Variants in ADIPOR2 observed in about 807,000 individuals in gnomAD.
The protein encoded by ADIPOR2 is adiponectin receptor protein 2.
In ADIPOR2, 18 loss-of-function variants were observed where a neutral mutation model predicts 40.9. That is an observed-to-expected ratio of 0.44 (90% CI 0.30 to 0.65). ADIPOR2 has a LOEUF of 0.65. ADIPOR2 is among the 30% of genes least tolerant of loss of function. The pLI is 0.09. For missense variants in ADIPOR2, 283 were observed against 479.2 expected (o/e 0.59, Z 3.82); for synonymous variants, 165 against 166.4 (o/e 0.99, Z 0.06).
intron 1 of ADIPOR2, among the ~76,000 whole-genome samples, chr12:1,695,503 T>TA (rs2094636703): frequency 1.4e-5 from 2 of 146,930 alleles, no homozygotes; most frequent in African/African-American, 4.9e-5. Flanking sequence ...AAAAATATAT[T>TA]AAAAAAAAAA....
Position 1,772,821 on chromosome 12 carries a change from GT to G in ADIPOR2, c.172-18del. On this transcript the variant is annotated intron_variant, in intron 2 of 7. Coordinates refer to ENST00000357103, the MANE Select transcript of ADIPOR2 (RefSeq NM_024551.3). ...TGGCTCCCAGTCTCTGTCCTTGACT[GT>G]TTCTGTGATTGCCTTGCAGAGCTCT... 6.3e-7 allele frequency: 1 copy of G among 1,596,582 alleles called. No individual in the cohort carries two copies. Among genetic ancestry groups the G allele is most frequent in the South Asian group, 1.1e-5 (1 of 87,016 alleles).
chr12:1,696,035 G>A, intron 1 of ADIPOR2: 1 of 158,220 alleles, frequency 6.3e-6, no homozygotes, highest in Non-Finnish European at 1.5e-5. Context: ...TTTTTGGTCT[G>A]TCCAGCCATT....
intron 1 of ADIPOR2, among the ~76,000 whole-genome samples, chr12:1,695,596 G>A (rs1202409630): frequency 1.3e-5 from 2 of 151,098 alleles, no homozygotes; most frequent in East Asian, 3.9e-4. Flanking sequence ...CTGGGAGGTG[G>A]AGGTTGCAGT....
intron 1 of ADIPOR2, among the ~76,000 whole-genome samples, chr12:1,726,709 C>G (rs529874591): frequency 6.6e-6 from 1 of 152,050 alleles, no homozygotes; most frequent in South Asian, 2.1e-4. Flanking sequence ...GTGCCAGTAA[C>G]TATGCTAGTG....
At chr12:1,737,157 A>G (rs1308256455) in intron 1 of ADIPOR2, among the ~76,000 whole-genome samples, 1 of 152,222 alleles carries the variant, frequency 6.6e-6, no homozygotes, top group East Asian at 1.9e-4. Context: ...TGGGCACCTG[A>G]CAGCATATAT....
chr12:1,734,214 T>C (rs1310815859), intron 1 of ADIPOR2, among the ~76,000 whole-genome samples: 1 of 152,228 alleles, frequency 6.6e-6, no homozygotes, highest in Admixed American at 6.5e-5. Context: ...TGAACTAGTT[T>C]ACAGTCCCCC....
intron 1 of ADIPOR2, among the ~76,000 whole-genome samples, chr12:1,726,809 C>T (rs1340065424): frequency 1.3e-5 from 2 of 152,140 alleles, no homozygotes; most frequent in Admixed American, 6.5e-5. Flanking sequence ...CTGAACATTT[C>T]TGTCATTTCA....
chr12:1,731,681 C>T (rs956315478), intron 1 of ADIPOR2, among the ~76,000 whole-genome samples: 2 of 152,156 alleles, frequency 1.3e-5, no homozygotes, highest in East Asian at 1.9e-4. Flanking sequence ...TCCTTTTGGC[C>T]GGGTTCGGTG....
At chr12:1,746,636 C>A (rs1428667376) in intron 1 of ADIPOR2, among the ~76,000 whole-genome samples, 1 of 152,076 alleles carries the variant, frequency 6.6e-6, no homozygotes, top group Admixed American at 6.5e-5. Context: ...CAAATATTGA[C>A]CTCATTGAGC....
At chr12:1,771,271 G>A (rs1307586054) in intron 2 of ADIPOR2, among the ~76,000 whole-genome samples, 2 of 152,182 alleles carry the variant, frequency 1.3e-5, no homozygotes, top group Non-Finnish European at 2.9e-5. Context: ...AGGCTTAGGT[G>A]GAGGATTGCT....
chr12:1,709,721 G>C (rs1165586502), intron 1 of ADIPOR2, among the ~76,000 whole-genome samples: 1 of 152,104 alleles, frequency 6.6e-6, no homozygotes, highest in African/African-American at 2.4e-5. Context: ...AAAATTTTTA[G>C]ATGGTAAAAT....
intron 1 of ADIPOR2, among the ~76,000 whole-genome samples, chr12:1,719,401 G>A (rs553944922): frequency 2.0e-4 from 31 of 152,278 alleles, no homozygotes; most frequent in African/African-American, 7.0e-4. Context: ...GGCTCATTCA[G>A]ACATTGTGGA....
At chr12:1,715,788 G>A (rs868765471) in intron 1 of ADIPOR2, among the ~76,000 whole-genome samples, 9 of 152,132 alleles carry the variant, frequency 5.9e-5, no homozygotes, top group Non-Finnish European at 1.3e-4. Flanking sequence ...GCCAGTCAGC[G>A]CTCTGTAAAA....
intron 1 of ADIPOR2, among the ~76,000 whole-genome samples, chr12:1,693,278 G>C (rs2094631030): frequency 8.8e-6 from 1 of 113,832 alleles, no homozygotes; most frequent in Non-Finnish European, 2.2e-5. Context: ...AGAGCCATGT[G>C]GCCTGTAACA....
chr12:1,713,809 A>G (rs1456931027), intron 1 of ADIPOR2, among the ~76,000 whole-genome samples: 1 of 152,076 alleles, frequency 6.6e-6, no homozygotes, highest in Non-Finnish European at 1.5e-5. Context: ...GACCTTGAGG[A>G]CAGCTGTCCG....
intron 1 of ADIPOR2, among the ~76,000 whole-genome samples, chr12:1,728,646 C>T (rs903550995): frequency 4.6e-5 from 7 of 151,838 alleles, no homozygotes; most frequent in African/African-American, 1.7e-4. Context: ...ATTGCTTGAA[C>T]CTGGGAGGCG....
chr12:1,785,916 C>T, intron 7 of ADIPOR2, 28 bp from the exon 8 acceptor site: 4 of 1,612,556 alleles, frequency 2.5e-6, no homozygotes, highest in Non-Finnish European at 3.4e-6. Flanking sequence ...GGTTTCTCTA[C>T]CCCCTTCTCT....
chr12:1,716,515 G>T (rs1165287104), intron 1 of ADIPOR2, among the ~76,000 whole-genome samples: 1 of 152,100 alleles, frequency 6.6e-6, no homozygotes, highest in East Asian at 1.9e-4. Flanking sequence ...TGACTAAAAG[G>T]CTAGTGAATA....
At chr12:1,761,958 A>C (rs767789975) in intron 2 of ADIPOR2, among the ~76,000 whole-genome samples, 29 of 152,314 alleles carry the variant, frequency 1.9e-4, no homozygotes, top group Non-Finnish European at 3.8e-4. Context: ...TCTTTCTATA[A>C]CCTTCGGGAT....
Sources: allele counts gnomAD v4.1 joint callset (sites outside exome capture counted in the v4.1 genomes callset), GRCh38; gene constraint gnomAD v4.1.1; transcripts MANE v1.5; gene names NCBI Gene and HGNC (gene_info 2026-07-23, HGNC 2026-07-21).